Variants in EIF2S1 observed in about 807,000 individuals in gnomAD.
The protein encoded by EIF2S1 is eukaryotic translation initiation factor 2 subunit alpha.
A neutral mutation model predicts 33.5 loss-of-function variants in EIF2S1; 5 were observed. The ratio of observed to expected loss-of-function variants is 0.15; its 90% CI spans 0.08 to 0.31. EIF2S1 has a LOEUF of 0.31. Among genes scored for constraint, EIF2S1 ranks in the 10% least tolerant of loss-of-function variants. EIF2S1 has a pLI of 1.00. For synonymous variants in EIF2S1, 99 were observed against 127.5 expected (o/e 0.78, Z 1.51); for missense variants, 191 against 384.6 (o/e 0.50, Z 4.21).
At chr14:67,367,784 C>G (rs2085789727) in intron 2 of EIF2S1, among the ~76,000 whole-genome samples, 1 of 151,238 alleles carries the variant, frequency 6.6e-6, no homozygotes, top group Non-Finnish European at 1.5e-5. Context: ...TGCAGTGAGC[C>G]AAGATTGCAC....
intron 2 of EIF2S1, among the ~76,000 whole-genome samples, chr14:67,369,166 A>G (rs1260834610): frequency 6.6e-6 from 1 of 152,266 alleles, no homozygotes; most frequent in Non-Finnish European, 1.5e-5. Context: ...CTTGGTTGAA[A>G]ATAAATGGAT....
In EIF2S1 at chr14:67,384,972, AT is replaced by A. The variant is rs1044706661; in HGVS notation, c.*1538del. The A allele has an allele frequency of 2.5e-4, 38 of 152,086 alleles. No individual in the cohort carries two copies. The highest frequency in any genetic ancestry group is 9.2e-4 in the African/African-American group (38 of 41,410). 9.4% of individuals were successfully genotyped at this position (152,086 alleles called of 1,614,324 possible). On this transcript the variant is annotated 3_prime_UTR_variant, in exon 8 of 8. Transcript: ENST00000256383. The stretch of plus-strand genomic sequence containing the variant: ...GTGCTTCTTTGTTGTACGCAGAGGA[AT>A]TTTTTCTTTTGATTTTGTTTACTGA...
At chr14:67,382,293 A>T (rs939015963) in intron 6 of EIF2S1, 154 bp from the exon 7 acceptor site, 1 of 546,976 alleles carries the variant, frequency 1.8e-6, no homozygotes, top group African/African-American at 2.0e-5. Context: ...CGTAATTGCC[A>T]ATTCTGTAGG....
Position 67,386,275 on chromosome 14 carries a change from T to C in EIF2S1, c.*2835T>C, listed in dbSNP as rs1481698579. ...AAGGAATAAGTAAAACATTAGCTTG[T>C]GATTTCTCATTATTCAGGTCAATGT... On this transcript the variant is annotated 3_prime_UTR_variant, in exon 8 of 8. Transcript: ENST00000256383. 6.6e-6 allele frequency: 1 copy of C among 152,670 alleles called. No individual in the cohort carries two copies. Among genetic ancestry groups the C allele is most frequent in the Non-Finnish European group, 1.5e-5 (1 of 68,042 alleles). The allele number at this position is 152,670 out of a possible 1,614,324, so 9.5% of individuals were successfully genotyped here. A position where few individuals can be genotyped will look rare whatever the true frequency, so the allele number is the denominator to read the frequency against.
intron 3 of EIF2S1, among the ~76,000 whole-genome samples, chr14:67,375,543 A>AT (rs398118328): frequency 2.0e-5 from 3 of 151,634 alleles, no homozygotes; most frequent in African/African-American, 7.3e-5. Flanking sequence ...AAAAAAAAAA[A>AT]GTTTCAATGA....
rs759134873 is a variant in EIF2S1 at position 67,381,583 on chromosome 14, G to C, written c.581-10G>C. ...ATTTTTTATCAACTTTTGAATTTTT[G>C]TAATTGTAGATATTGAAGTGGCTTG... On this transcript the variant is annotated splice_polypyrimidine_tract_variant and intron_variant, in intron 5 of 7. Transcript: ENST00000256383. 2 of 1,601,546 alleles carry C rather than the reference G, an allele frequency of 1.2e-6. No individual in the cohort carries two copies. The highest frequency in any genetic ancestry group is 1.7e-4 in the Middle Eastern group (1 of 6,018).
At chr14:67,366,934 T>C (rs1205556994) in intron 2 of EIF2S1, among the ~76,000 whole-genome samples, 5 of 152,124 alleles carry the variant, frequency 3.3e-5, no homozygotes, top group Non-Finnish European at 7.4e-5. Context: ...AGAAAATTTA[T>C]GGTCTTATTG....
intron 2 of EIF2S1, among the ~76,000 whole-genome samples, chr14:67,371,500 A>G (rs2085821114): frequency 6.6e-6 from 1 of 152,174 alleles, no homozygotes; most frequent in Non-Finnish European, 1.5e-5. Flanking sequence ...ATACATTCTG[A>G]AAAATGTCTT....
intron 4 of EIF2S1, among the ~76,000 whole-genome samples, chr14:67,378,674 C>T (rs1279868301): frequency 6.6e-6 from 1 of 152,204 alleles, no homozygotes; most frequent in Non-Finnish European, 1.5e-5. Context: ...CTTCTAGTTC[C>T]AGCAACCCCT....
chr14:67,380,417 G>A (rs996173645), intron 4 of EIF2S1, among the ~76,000 whole-genome samples: 1 of 152,076 alleles, frequency 6.6e-6, no homozygotes, highest in Admixed American at 6.5e-5. Flanking sequence ...AATATCAGAT[G>A]TGTTAGGCAT....
At position 67,374,530 on chromosome 14, in the gene EIF2S1, T is replaced by C; in HGVS notation, c.304T>C (p.Phe102Leu). The C allele has an allele frequency of 6.2e-7, 1 of 1,608,054 alleles. No individual in the cohort carries two copies. Among genetic ancestry groups the C allele is most frequent in the Non-Finnish European group, 8.5e-7 (1 of 1,176,142 alleles). Residue 102 changes from phenylalanine to leucine, a missense_variant, in exon 3 of 8, where the codon TTC (phenylalanine) becomes CTC (leucine). Transcript: ENST00000256383. ...PEEAIKCEDKFTKSKTVYSIL... is the reference protein window; with the variant it reads ...PEEAIKCEDKLTKSKTVYSIL... ...GGAAGCAATCAAATGTGAAGACAAA[T>C]TCACAAAATCCAAAACTGTAAGTTG...
At chr14:67,369,629 G>C (rs1351083859) in intron 2 of EIF2S1, among the ~76,000 whole-genome samples, 2 of 152,148 alleles carry the variant, frequency 1.3e-5, no homozygotes, top group Non-Finnish European at 2.9e-5. Flanking sequence ...TATGTTCTCT[G>C]ATCACACTGG....
At position 67,384,673 on chromosome 14, in the gene EIF2S1, G is replaced by A. The variant is rs559859294; in HGVS notation, c.*1233G>A. The A allele has an allele frequency of 2.7e-4, 41 of 152,322 alleles. No homozygotes were observed. Among genetic ancestry groups the A allele is most frequent in the Middle Eastern group, 3.4e-3 (1 of 294 alleles). 9.4% of individuals were successfully genotyped at this position (152,322 alleles called of 1,614,324 possible). On this transcript the variant is annotated 3_prime_UTR_variant, in exon 8 of 8. Coordinates refer to ENST00000256383, the MANE Select transcript of EIF2S1 (RefSeq NM_004094.5). ...AAGGGTCTGGAAAATAGAAGAGTGT[G>A]TTGGGCAGGTAGTTTGTACCATTTA...
intron 2 of EIF2S1, among the ~76,000 whole-genome samples, chr14:67,373,723 AAG>A (rs1309631405): frequency 2.0e-5 from 3 of 152,132 alleles, no homozygotes; most frequent in African/African-American, 4.8e-5. Flanking sequence ...CGCTGTGGGA[AAG>A]AGAGTGATAA....
At chr14:67,380,156 C>G (rs1006633962) in intron 4 of EIF2S1, among the ~76,000 whole-genome samples, 28 of 152,182 alleles carry the variant, frequency 1.8e-4, no homozygotes, top group African/African-American at 6.8e-4. Context: ...CTCACTCATT[C>G]AACAAACATG....
At chr14:67,374,574 T>C (rs757955561) in intron 3 of EIF2S1, 27 bp downstream of exon 3, 1 of 1,451,010 alleles carries the variant, frequency 6.9e-7, no homozygotes, top group East Asian at 2.3e-5. Context: ...GTCAAATTAG[T>C]CCACTATCTG....
intron 4 of EIF2S1, among the ~76,000 whole-genome samples, chr14:67,377,689 C>T (rs1444196840): frequency 6.6e-6 from 1 of 152,162 alleles, no homozygotes; most frequent in Admixed American, 6.6e-5. Context: ...GGTCACCTTT[C>T]CCTTTATTGC....
chr14:67,376,331 T>C (rs2085857699), intron 3 of EIF2S1, 108 bp from the exon 4 acceptor site: 1 of 1,114,506 alleles, frequency 9.0e-7, no homozygotes, highest in Non-Finnish European at 1.2e-6. Context: ...GGAGATCTTT[T>C]ATTGTTAAGG....
At position 67,380,702 on chromosome 14, in the gene EIF2S1, C is replaced by A. The variant is rs374271658; in HGVS notation, c.517C>A (p.Arg173=). The change falls in exon 5 of 8, where the codon CGG becomes AGG. Residue 173 remains arginine (R), a synonymous_variant. Coordinates refer to ENST00000256383, the MANE Select transcript of EIF2S1 (RefSeq NM_004094.5). ...LDSLDLNEDE[R]EVLINNINRR... is the part of the protein sequence containing the mutation. Reference sequence around the variant, plus strand: ...TAGTTTAGATTTGAATGAAGATGAACGGGAAGTACTCATTAATAATATTAA... The same window carrying A: ...TAGTTTAGATTTGAATGAAGATGAAAGGGAAGTACTCATTAATAATATTAA... 1 of 1,583,302 alleles carries A rather than the reference C, an allele frequency of 6.3e-7. No individual in the cohort carries two copies. The highest frequency in any genetic ancestry group is 8.6e-7 in the Non-Finnish European group (1 of 1,167,512).
Sources: allele counts gnomAD v4.1 joint callset (sites outside exome capture counted in the v4.1 genomes callset), GRCh38; gene constraint gnomAD v4.1.1; transcripts MANE v1.5; gene names NCBI Gene and HGNC (gene_info 2026-07-23, HGNC 2026-07-21).